Variants in SCFD2 observed in about 807,000 individuals in gnomAD.
SCFD2 encodes the protein sec1 family domain-containing protein 2.
A neutral mutation model predicts 58.9 loss-of-function variants in SCFD2; 54 were observed. The observed-to-expected ratio is 0.92, with a 90% CI of 0.74 to 1.15. The LOEUF (loss-of-function observed/expected upper bound fraction) is 1.15, where lower values mean the gene tolerates loss of function less well. Among genes scored for constraint, SCFD2 ranks in the 50% most tolerant of loss-of-function variants. SCFD2 has a pLI of 0.00. For missense variants in SCFD2, 805 were observed against 836.6 expected (o/e 0.96, Z 0.47); for synonymous variants, 321 against 335.9 (o/e 0.96, Z 0.49).
chr4:53,038,326 G>T (rs993515896), intron 5 of SCFD2, among the ~76,000 whole-genome samples: 2 of 152,096 alleles, frequency 1.3e-5, no homozygotes, highest in Non-Finnish European at 2.9e-5. Flanking sequence ...TCTGAGGAGG[G>T]TTCCATGAAG....
chr4:52,979,318 G>A (rs1721324826), intron 5 of SCFD2, among the ~76,000 whole-genome samples: 1 of 152,074 alleles, frequency 6.6e-6, no homozygotes, highest in South Asian at 2.1e-4. Context: ...CTCTGAGCTT[G>A]TCTTTACAAA....
intron 4 of SCFD2, among the ~76,000 whole-genome samples, chr4:53,175,787 G>C (rs1453712568): frequency 6.6e-6 from 1 of 152,084 alleles, no homozygotes; most frequent in Non-Finnish European, 1.5e-5. Flanking sequence ...ATACCACTTA[G>C]GCTCTCTCCT....
At chr4:53,339,150 G>A (rs1733781273) in intron 2 of SCFD2, among the ~76,000 whole-genome samples, 1 of 151,840 alleles carries the variant, frequency 6.6e-6, no homozygotes, top group Admixed American at 6.6e-5. Context: ...GTTTGATGGT[G>A]GAAACAAAAC....
At chr4:52,987,882 T>C (rs1378773286) in intron 5 of SCFD2, among the ~76,000 whole-genome samples, 1 of 152,168 alleles carries the variant, frequency 6.6e-6, no homozygotes, top group African/African-American at 2.4e-5. Flanking sequence ...TAGGGTGTCA[T>C]TTCCCCCATG....
At chr4:52,953,312 TG>T (rs1260673221) in intron 5 of SCFD2, among the ~76,000 whole-genome samples, 2 of 152,196 alleles carry the variant, frequency 1.3e-5, no homozygotes, top group Non-Finnish European at 2.9e-5. Context: ...CCTATAGACC[TG>T]GTGTCAGTTT....
intron 5 of SCFD2, among the ~76,000 whole-genome samples, chr4:53,045,719 C>T (rs1018159571): frequency 6.6e-6 from 1 of 151,922 alleles, no homozygotes; most frequent in African/African-American, 2.4e-5. Flanking sequence ...AGTGGGTGTT[C>T]AAAAATGCTT....
intron 4 of SCFD2, among the ~76,000 whole-genome samples, chr4:53,263,404 G>A (rs527821002): frequency 1.3e-5 from 2 of 152,066 alleles, no homozygotes; most frequent in Non-Finnish European, 2.9e-5. Context: ...TCTGGGACTC[G>A]GGGCTGCTGT....
At chr4:53,157,607 C>T (rs1424086560) in intron 4 of SCFD2, among the ~76,000 whole-genome samples, 1 of 146,040 alleles carries the variant, frequency 6.8e-6, no homozygotes, top group South Asian at 2.2e-4. Flanking sequence ...AAACAAATGT[C>T]ATCCTCATTT....
chr4:52,964,450 G>A (rs1273925490), intron 5 of SCFD2, among the ~76,000 whole-genome samples: 1 of 152,086 alleles, frequency 6.6e-6, no homozygotes, highest in Non-Finnish European at 1.5e-5. Context: ...ATACCAAAAG[G>A]GGGTTCACAT....
At chr4:53,354,108 T>C (rs1414831569) in intron 1 of SCFD2, among the ~76,000 whole-genome samples, 1 of 152,252 alleles carries the variant, frequency 6.6e-6, no homozygotes. Flanking sequence ...GGGCCGTCGA[T>C]GGGACAGGGT....
chr4:53,347,196 G>A (rs138588932), intron 2 of SCFD2, among the ~76,000 whole-genome samples: 85 of 152,264 alleles, frequency 5.6e-4, no homozygotes, highest in African/African-American at 2.0e-3. Flanking sequence ...TTTTTACTAA[G>A]CCAATGACAG....
chr4:53,007,427 GAGGGAGGGAGGA>G (rs1418275562), intron 5 of SCFD2, among the ~76,000 whole-genome samples: 2 of 132,718 alleles, frequency 1.5e-5, no homozygotes, highest in East Asian at 5.2e-4. Flanking sequence ...GGGAGGGAGG[GAGGGAGGGAGGA>G]AGGATAGACT....
intron 4 of SCFD2, among the ~76,000 whole-genome samples, chr4:53,245,507 C>A (rs565706047): frequency 3.9e-5 from 6 of 152,184 alleles, no homozygotes; most frequent in African/African-American, 9.6e-5. Flanking sequence ...AGGGAAAAAA[C>A]CACATGATCA....
chr4:53,244,124 C>T (rs1263473961), intron 4 of SCFD2, among the ~76,000 whole-genome samples: 6 of 152,246 alleles, frequency 3.9e-5, no homozygotes, highest in Non-Finnish European at 8.8e-5. Context: ...GAGACTTAGA[C>T]TCCCACATAA....
At chr4:53,183,072 G>A (rs577279028) in intron 4 of SCFD2, among the ~76,000 whole-genome samples, 1 of 152,234 alleles carries the variant, frequency 6.6e-6, no homozygotes, top group Non-Finnish European at 1.5e-5. Context: ...AACTAGTTCA[G>A]CCATTGTGGA....
At chr4:53,259,115 A>G (rs1183828170) in intron 4 of SCFD2, among the ~76,000 whole-genome samples, 1 of 151,514 alleles carries the variant, frequency 6.6e-6, no homozygotes, top group African/African-American at 2.4e-5. Context: ...GATTCTGGAT[A>G]TTACTTCTTA....
chr4:53,064,118 T>C (rs528773467), intron 5 of SCFD2, among the ~76,000 whole-genome samples: 1 of 152,244 alleles, frequency 6.6e-6, no homozygotes, highest in South Asian at 2.1e-4. Context: ...TTTTAATTTA[T>C]CTTTTATTTC....
chr4:53,251,485 T>G (rs1300456265), intron 4 of SCFD2, among the ~76,000 whole-genome samples: 2 of 152,142 alleles, frequency 1.3e-5, no homozygotes, highest in Admixed American at 6.6e-5. Flanking sequence ...AAATCCTCAA[T>G]AAAATACTGG....
chr4:53,319,221 T>G (rs1473229786), intron 2 of SCFD2, among the ~76,000 whole-genome samples: 1 of 152,180 alleles, frequency 6.6e-6, no homozygotes, highest in African/African-American at 2.4e-5. Flanking sequence ...CGGAAGCAGG[T>G]AAAGCTCTAA....
Sources: gnomAD v4.1 joint callset for allele counts (sites outside exome capture counted in the v4.1 genomes callset) on GRCh38, gnomAD v4.1.1 for gene constraint, MANE v1.5 for transcripts, NCBI Gene and HGNC (gene_info 2026-07-23, HGNC 2026-07-21) for gene names.